The following MYOM2 variants were observed in gnomAD, a reference collection of about 807,000 sequenced individuals.
MYOM2 encodes myomesin-2.
MYOM2 carries 254 observed loss-of-function variants against 187.6 expected under a neutral mutation model. That is an observed-to-expected ratio of 1.35 (90% CI 1.22 to 1.50). The LOEUF is 1.50. Ranked by LOEUF, MYOM2 falls within the 40% of genes most tolerant of loss-of-function variation. The probability of loss-of-function intolerance (pLI) is 0.00; values close to 1 mark genes in which losing one functional copy is unlikely to be tolerated. For synonymous variants in MYOM2, 981 were observed against 753.8 expected, an observed-to-expected ratio of 1.30 and a Z score of -4.94; for missense variants, 2,796 against 1,924.0, an observed-to-expected ratio of 1.45 and a Z score of -8.48.
chr8:2,142,497 C>T (rs1309541428), intron 35 of MYOM2, 100 bp downstream of exon 35: 4 of 1,181,276 alleles, frequency 3.4e-6, no homozygotes, highest in Non-Finnish European at 5.1e-6. Context: ...AAATAATAAC[C>T]AGCAATCCCC....
At chr8:2,052,081 G>C in intron 2 of MYOM2, 77 bp from the exon 3 acceptor site, 2 of 1,585,024 alleles carry the variant, frequency 1.3e-6, no homozygotes, top group Non-Finnish European at 1.7e-6. Context: ...TGTGTAGAGA[G>C]AAAGTGATGT....
chr8:2,116,813 G>C (rs1019168353), intron 27 of MYOM2, among the ~76,000 whole-genome samples: 14 of 151,952 alleles, frequency 9.2e-5, no homozygotes, highest in Admixed American at 3.3e-4. Flanking sequence ...GCTGGAGTGC[G>C]GTGATGCCAT....
At chr8:2,138,810 C>T (rs1246832875) in intron 32 of MYOM2, among the ~76,000 whole-genome samples, 2 of 152,182 alleles carry the variant, frequency 1.3e-5, no homozygotes, top group African/African-American at 2.4e-5. Flanking sequence ...GTCCGGGATC[C>T]CAGAGGCTAA....
Position 2,096,304 on chromosome 8 carries a change from C to G in MYOM2, c.2183C>G (p.Thr728Ser), listed in dbSNP as rs1796482185. 1 of 1,614,076 alleles carries G rather than the reference C, an allele frequency of 6.2e-7. No homozygotes were observed. The highest frequency in any genetic ancestry group is 1.7e-5 in the Admixed American group (1 of 60,006). The part of the protein sequence containing the change: ...TLLNCDGHSM[T>S]LGWKVPKFSG... ...CTCAACTGTGACGGCCACTCCATGA[C>G]CCTCGGCTGGAAGGTCCCGAAATTC... Residue 728 changes from threonine to serine, a missense_variant, in exon 18 of 37, where the codon ACC becomes AGC. By Grantham distance (58) the Thr-to-Ser change is moderately conservative. Coordinates refer to ENST00000262113, the MANE Select transcript of MYOM2 (RefSeq NM_003970.4).
rs141177895 is a variant in MYOM2 at position 2,142,211 on chromosome 8, A to G, written c.4002-164A>G. The stretch of plus-strand genomic sequence containing the variant: ...CCATCAGGAAAAATCAGTGATATCC[A>G]TCCTGGGGTCCTGTGACCCGAACAT... On this transcript the variant is annotated intron_variant, in intron 34 of 36. Coordinates refer to ENST00000262113, the MANE Select transcript of MYOM2 (RefSeq NM_003970.4). Among the ~76,000 whole-genome samples, 563 of 152,288 alleles carry G rather than the reference A, an allele frequency of 3.7e-3. 1 individual carries two copies. The highest frequency in any genetic ancestry group is 6.7e-3 in the Non-Finnish European group (454 of 68,030).
intron 14 of MYOM2, among the ~76,000 whole-genome samples, chr8:2,087,362 A>G (rs1002994310): frequency 6.6e-6 from 1 of 152,210 alleles, no homozygotes; most frequent in Non-Finnish European, 1.5e-5. Flanking sequence ...TTCAGACTCC[A>G]GCATGGAGGA....
rs933916041 is a variant in MYOM2 at position 2,121,030 on chromosome 8, G to C, written c.3454-2222G>C. ...GCTGCAAGGGAAGTGGTCTTTAGAA[G>C]TCTTGCTCAACAAATGAAAAGCATA... On this transcript the variant is annotated intron_variant, in intron 28 of 36. Transcript: ENST00000262113. Among the ~76,000 whole-genome samples the C allele has an allele frequency of 2.0e-5, 3 of 152,040 alleles. No homozygotes were observed. The East Asian group carries it at 5.8e-4, about 29-fold the overall frequency.
At chr8:2,067,186 C>T (rs4875921) in intron 6 of MYOM2, among the ~76,000 whole-genome samples, 54,214 of 152,030 alleles carry the variant, frequency 0.36, 10,956 homozygotes, top group Middle Eastern at 0.48. Flanking sequence ...ATTTTCAGCA[C>T]GTATAGTGGA....
chr8:2,069,409 TTTCTC>T, intron 7 of MYOM2, 33 bp from the exon 8 acceptor site: 1 of 1,613,944 alleles, frequency 6.2e-7, no homozygotes, highest in Non-Finnish European at 8.5e-7. Context: ...CCCGCCTCCT[TTTCTC>T]TTTTCTGCTG....
At chr8:2,089,836 A>C (rs1373310788) in intron 14 of MYOM2, among the ~76,000 whole-genome samples, 172 bp from the exon 15 acceptor site, 1 of 152,216 alleles carries the variant, frequency 6.6e-6, no homozygotes, top group Non-Finnish European at 1.5e-5. Context: ...CCAAATTGGC[A>C]TCATGTTTCA....
At chr8:2,063,948 C>T (rs961189488) in intron 6 of MYOM2, among the ~76,000 whole-genome samples, 4 of 152,216 alleles carry the variant, frequency 2.6e-5, no homozygotes, top group African/African-American at 7.2e-5. Flanking sequence ...CACTTGCTTG[C>T]AAGTTCTCAC....
intron 6 of MYOM2, among the ~76,000 whole-genome samples, chr8:2,061,072 G>C (rs1020168302): frequency 6.6e-6 from 1 of 152,114 alleles, no homozygotes; most frequent in Admixed American, 6.5e-5. Flanking sequence ...ATCTGCTATC[G>C]AGGGAGGGGC....
chr8:2,093,058 C>T (rs1286828479), intron 16 of MYOM2, among the ~76,000 whole-genome samples: 10 of 152,088 alleles, frequency 6.6e-5, no homozygotes, highest in African/African-American at 2.4e-4. Context: ...GCTGAGTGTG[C>T]AGGGATGTCT....
chr8:2,117,847 C>A, intron 27 of MYOM2, 38 bp from the exon 28 acceptor site: 2 of 1,501,860 alleles, frequency 1.3e-6, no homozygotes, highest in Non-Finnish European at 1.8e-6. Context: ...TTTACTTTTT[C>A]CTTTTTTATA....
intron 11 of MYOM2, among the ~76,000 whole-genome samples, chr8:2,078,436 G>T (rs1819508607): frequency 6.6e-6 from 1 of 152,148 alleles, no homozygotes; most frequent in African/African-American, 2.4e-5. Context: ...TTTTTGAGGA[G>T]ATTTTTGCCT....
intron 1 of MYOM2, among the ~76,000 whole-genome samples, chr8:2,045,544 A>G (rs1199902543): frequency 6.6e-6 from 1 of 152,212 alleles, no homozygotes; most frequent in Non-Finnish European, 1.5e-5. Context: ...TCCCCCGAGG[A>G]GAGGGCTGAC....
intron 8 of MYOM2, among the ~76,000 whole-genome samples, chr8:2,071,249 C>T (rs557653518): frequency 6.6e-6 from 1 of 152,254 alleles, no homozygotes; most frequent in Admixed American, 6.5e-5. Flanking sequence ...CCCACCTTGG[C>T]CTCCCAAAGT....
intron 21 of MYOM2, among the ~76,000 whole-genome samples, chr8:2,105,387 C>T (rs967743758): frequency 4.6e-5 from 7 of 152,196 alleles, no homozygotes; most frequent in African/African-American, 1.4e-4. Context: ...CTAATTCCTA[C>T]GACATAGATT....
At chr8:2,086,341 TTGTGATCTCTGCGTGGCCTCC>T (rs2116710079) in intron 14 of MYOM2, among the ~76,000 whole-genome samples, 1,170 of 104,846 alleles carry the variant, frequency 0.011, 304 homozygotes, top group Non-Finnish European at 0.016. Context: ...CCCCCCACTG[TTGTGATCTCTGCGTGGCCTCC>T]CACTGTTGTG....
Sources: allele counts gnomAD v4.1 joint callset (sites outside exome capture counted in the v4.1 genomes callset), GRCh38; gene constraint gnomAD v4.1.1; transcripts MANE v1.5; gene names NCBI Gene and HGNC (gene_info 2026-07-23, HGNC 2026-07-21).